PPP2R5E: variants seen among roughly 807,000 people sequenced by gnomAD.
PPP2R5E encodes serine/threonine-protein phosphatase 2A 56 kDa regulatory subunit epsilon isoform.
In PPP2R5E, 4 loss-of-function variants were observed where a neutral mutation model predicts 65.3. The ratio of observed to expected loss-of-function variants is 0.06; its 90% CI spans 0.03 to 0.14. PPP2R5E has a LOEUF of 0.14. Ranked by LOEUF, PPP2R5E falls within the 10% of genes least tolerant of loss-of-function variation. PPP2R5E has a pLI of 1.00. For missense variants in PPP2R5E, 274 were observed against 556.1 expected, an observed-to-expected ratio of 0.49 and a Z score of 5.10; for synonymous variants, 183 against 187.4, an observed-to-expected ratio of 0.98 and a Z score of 0.19.
chr14:63,523,886 T>C (rs551964952), intron 2 of PPP2R5E, among the ~76,000 whole-genome samples: 2 of 152,278 alleles, frequency 1.3e-5, no homozygotes, highest in South Asian at 2.1e-4. Flanking sequence ...GCTTATAATG[T>C]GTAAGGCACA....
intron 5 of PPP2R5E, among the ~76,000 whole-genome samples, chr14:63,397,444 G>T (rs1426782542): frequency 7.2e-6 from 1 of 139,806 alleles, no homozygotes; most frequent in South Asian, 2.4e-4. Flanking sequence ...AGAGGTTACA[G>T]TGAGCTGCGA....
chr14:63,539,666 G>A lies in PPP2R5E; in HGVS notation c.20C>T (p.Thr7Ile). The A allele has an allele frequency of 6.2e-7, 1 of 1,613,876 alleles. No individual in the cohort carries two copies. The highest frequency in any genetic ancestry group is 1.1e-5 in the South Asian group (1 of 91,054). Residue 7 changes from threonine (T) to isoleucine (I), a missense_variant, in exon 2 of 14, where the codon ACT becomes ATT. By Grantham distance (89) the Thr-to-Ile change is moderately conservative. Transcript: ENST00000337537. ...GTCTACTTTATCCACTGATGGAGGA[G>A]TAGTTGGTGCTGAGGACATATCCCT... is the stretch of plus-strand genomic sequence containing the variant. MSSAPT[T>I]PPSVDKVDGF...
chr14:63,514,252 C>T (rs1892573759), intron 2 of PPP2R5E, among the ~76,000 whole-genome samples: 1 of 152,168 alleles, frequency 6.6e-6, no homozygotes, highest in South Asian at 2.1e-4. Context: ...ACTTATTCCA[C>T]ACCTCCTACA....
At chr14:63,499,281 A>G (rs1891733666) in intron 2 of PPP2R5E, among the ~76,000 whole-genome samples, 1 of 152,252 alleles carries the variant, frequency 6.6e-6, no homozygotes, top group Non-Finnish European at 1.5e-5. Flanking sequence ...TATATATGAC[A>G]GCAGAAATGT....
chr14:63,486,293 T>TACACACACACACACACACAC (rs374427574), intron 2 of PPP2R5E, among the ~76,000 whole-genome samples: 1 of 127,956 alleles, frequency 7.8e-6, no homozygotes, highest in African/African-American at 3.2e-5. Context: ...CTTTCCCCAT[T>TACACACACACACACACACAC]ACACACACAC....
chr14:63,444,991 T>C (rs143434474), intron 3 of PPP2R5E, among the ~76,000 whole-genome samples: 33 of 152,320 alleles, frequency 2.2e-4, no homozygotes, highest in African/African-American at 7.5e-4. Flanking sequence ...CAAAATTTCT[T>C]AGACTGTGTT....
intron 2 of PPP2R5E, among the ~76,000 whole-genome samples, chr14:63,514,247 T>C (rs566992618): frequency 1.1e-4 from 16 of 152,306 alleles, no homozygotes; most frequent in Non-Finnish European, 1.9e-4. Context: ...TAAACACTTA[T>C]TCCACACCTC....
At chr14:63,490,545 A>G (rs939846131) in intron 2 of PPP2R5E, among the ~76,000 whole-genome samples, 7 of 152,100 alleles carry the variant, frequency 4.6e-5, no homozygotes, top group African/African-American at 1.7e-4. Flanking sequence ...TCAACAAGAA[A>G]AAAACAACCC....
At chr14:63,464,788 C>T (rs563883633) in intron 2 of PPP2R5E, among the ~76,000 whole-genome samples, 5 of 152,000 alleles carry the variant, frequency 3.3e-5, no homozygotes, top group Non-Finnish European at 5.9e-5. Context: ...TCGGGGAGGC[C>T]GAGGTGAGCG....
At chr14:63,423,164 G>C (rs1887134872) in intron 3 of PPP2R5E, among the ~76,000 whole-genome samples, 1 of 152,166 alleles carries the variant, frequency 6.6e-6, no homozygotes, top group South Asian at 2.1e-4. Context: ...ACGCAATCTT[G>C]GCTCACTGCA....
At chr14:63,421,257 G>A in intron 4 of PPP2R5E, among the ~76,000 whole-genome samples, 1 of 152,014 alleles carries the variant, frequency 6.6e-6, no homozygotes, top group East Asian at 1.9e-4. Flanking sequence ...GGTTCAACAT[G>A]TACAAATTTC....
At chr14:63,506,698 G>A (rs1464287199) in intron 2 of PPP2R5E, among the ~76,000 whole-genome samples, 1 of 152,160 alleles carries the variant, frequency 6.6e-6, no homozygotes, top group Non-Finnish European at 1.5e-5. Context: ...TCCTGGTGGG[G>A]ATATAAAATG....
At chr14:63,472,171 G>A (rs1224471983) in intron 2 of PPP2R5E, among the ~76,000 whole-genome samples, 2 of 152,130 alleles carry the variant, frequency 1.3e-5, no homozygotes, top group Non-Finnish European at 2.9e-5. Context: ...ATGGTGACAG[G>A]CGCCTGTAAT....
chr14:63,441,721 C>T (rs1458064342), intron 3 of PPP2R5E, among the ~76,000 whole-genome samples: 1 of 152,074 alleles, frequency 6.6e-6, no homozygotes, highest in Non-Finnish European at 1.5e-5. Flanking sequence ...ACCATCCTGG[C>T]TAACATGGTG....
intron 2 of PPP2R5E, among the ~76,000 whole-genome samples, chr14:63,497,893 C>T (rs1193260440): frequency 6.6e-6 from 1 of 152,186 alleles, no homozygotes; most frequent in Non-Finnish European, 1.5e-5. Flanking sequence ...AGCATACTCA[C>T]GTTAGTGGCA....
chr14:63,510,949 A>G (rs1892427920), intron 2 of PPP2R5E, among the ~76,000 whole-genome samples: 1 of 152,248 alleles, frequency 6.6e-6, no homozygotes, highest in African/African-American at 2.4e-5. Flanking sequence ...GAGGCAGAGA[A>G]GATAGTGAGA....
chr14:63,406,482 G>C (rs1886101670), intron 5 of PPP2R5E, among the ~76,000 whole-genome samples: 1 of 151,508 alleles, frequency 6.6e-6, no homozygotes, highest in Non-Finnish European at 1.5e-5. Context: ...TGGCTTTCCA[G>C]CTTCTCTTGA....
At chr14:63,466,726 G>C (rs768763853) in intron 2 of PPP2R5E, among the ~76,000 whole-genome samples, 5 of 152,060 alleles carry the variant, frequency 3.3e-5, no homozygotes, top group Non-Finnish European at 7.4e-5. Flanking sequence ...AAACAATAAA[G>C]ACGGAGAAAC....
At chr14:63,399,366 C>CTTTCTTTTTTTTT (rs1885604828) in intron 5 of PPP2R5E, among the ~76,000 whole-genome samples, 12 of 48,520 alleles carry the variant, frequency 2.5e-4, no homozygotes, top group Non-Finnish European at 3.6e-4. Context: ...GGATTTCTTT[C>CTTTCTTTTTTTTT]TTTTTTTTTT....
Sources: allele counts gnomAD v4.1 joint callset (sites outside exome capture counted in the v4.1 genomes callset), GRCh38; gene constraint gnomAD v4.1.1; transcripts MANE v1.5; gene names NCBI Gene and HGNC (gene_info 2026-07-23, HGNC 2026-07-21).